The following MDM1 variants were observed in gnomAD, a reference collection of about 807,000 sequenced individuals.
MDM1 encodes stabilizer of axonemal microtubules 6, also known as Mdm1 nuclear protein.
Under a neutral mutation model 89.1 loss-of-function variants are expected in MDM1, and 61 were observed. The observed-to-expected ratio is 0.68, with a 90% CI of 0.56 to 0.85. The LOEUF is 0.85. MDM1 is among the 40% of genes least tolerant of loss of function. MDM1 has a pLI of 0.00. For synonymous variants in MDM1, 290 were observed against 294.1 expected (o/e 0.99, Z 0.14); for missense variants, 820 against 846.5 (o/e 0.97, Z 0.39).
At chr12:68,332,187 C>T (rs1876932551) in intron 1 of MDM1, 41 bp downstream of exon 1, 2 of 1,514,044 alleles carry the variant, frequency 1.3e-6, no homozygotes, top group Non-Finnish European at 1.8e-6. Flanking sequence ...CCGGCCATGG[C>T]TCCCCCCAGC....
chr12:68,325,760 C>A (rs1358237225), intron 3 of MDM1, 185 bp from the exon 4 acceptor site: 9 of 1,220,002 alleles, frequency 7.4e-6, no homozygotes, highest in Non-Finnish European at 7.2e-6. Context: ...TAAATAGTAT[C>A]TTTTTTCAAG....
At chr12:68,300,596 A>T (rs1047763062) in intron 13 of MDM1, among the ~76,000 whole-genome samples, 2 of 152,220 alleles carry the variant, frequency 1.3e-5, no homozygotes, top group Admixed American at 6.5e-5. Context: ...GGTCAGTCCA[A>T]CAAGAAGGTA....
At chr12:68,325,637 T>C in intron 3 of MDM1, 62 bp from the exon 4 acceptor site, 1 of 1,424,076 alleles carries the variant, frequency 7.0e-7, no homozygotes, top group Non-Finnish European at 9.2e-7. Flanking sequence ...TTTTTAAAAA[T>C]TGTGGTAAAA....
At chr12:68,328,032 C>G (rs1381948992) in intron 2 of MDM1, among the ~76,000 whole-genome samples, 2 of 152,198 alleles carry the variant, frequency 1.3e-5, no homozygotes, top group Non-Finnish European at 2.9e-5. Context: ...CCGCCCCTTT[C>G]ATAATCTCCT....
At position 68,326,691 on chromosome 12, in the gene MDM1, G is replaced by A; in HGVS notation, c.464C>T (p.Ser155Phe). The change falls in exon 3 of 15, where the codon TCT becomes TTT. Residue 155 changes from serine (S) to phenylalanine (F), a missense_variant. Coordinates refer to ENST00000682720, the MANE Select transcript of MDM1 (RefSeq NM_001354969.2). ...TACATTTTCTGAAAGAACCTTGGTA[G>A]AATGTTCCAGTTCCACATTTTCATT... ...PVNENVELEH[S>F]TKVLSENVDN... The A allele has an allele frequency of 6.2e-7, 1 of 1,614,168 alleles. No homozygotes were observed.
chr12:68,324,007 C>T (rs1186504453), intron 4 of MDM1, among the ~76,000 whole-genome samples: 3 of 152,128 alleles, frequency 2.0e-5, no homozygotes, highest in Non-Finnish European at 4.4e-5. Flanking sequence ...ATGAACAACC[C>T]TTTTAGAGGT....
rs1206010655 is a variant in MDM1, at chr12:68,325,520, G to A, written c.554C>T (p.Ala185Val). The change falls in exon 4 of 15, where the codon GCC (alanine) becomes GTC (valine). Residue 185 changes from alanine to valine, a missense_variant. Physicochemically the swap from Ala to Val is moderately conservative, Grantham distance 64. Transcript: ENST00000682720. ...CCTTTGATATTCAGAATTTCTCAAGGCATTATATGAAGGAACAACAGTCAA... is the reference window on the plus strand; with the variant it reads ...CCTTTGATATTCAGAATTTCTCAAGACATTATATGAAGGAACAACAGTCAA... ...AGLTVVPSYN[A>V]LRNSEYQRQF... is the part of the protein sequence containing the mutation. The A allele has an allele frequency of 2.5e-6, 4 of 1,597,902 alleles. No homozygotes were observed. The highest frequency in any genetic ancestry group is 4.5e-5 in the East Asian group (2 of 44,226).
rs375343262 is a variant in MDM1 at position 68,303,758 on chromosome 12, ATGAT to A, written c.1750-890_1750-887del. Reference sequence around the variant, plus strand: ...ATAGATTATAAAACCTTTCTACACTATGATAAATAAATAACCAAATATACTAACA... The same window carrying A: ...ATAGATTATAAAACCTTTCTACACTAAAATAAATAACCAAATATACTAACA... On this transcript the variant is annotated intron_variant, in intron 12 of 14. Transcript: ENST00000682720. Among the ~76,000 whole-genome samples the A allele has an allele frequency of 4.2e-3, 647 of 152,348 alleles. 2 individuals are homozygous for A. The highest frequency in any genetic ancestry group is 0.015 in the African/African-American group (614 of 41,588).
chr12:68,300,855 A>G (rs1872055001), intron 13 of MDM1, among the ~76,000 whole-genome samples: 1 of 152,244 alleles, frequency 6.6e-6, no homozygotes, highest in South Asian at 2.1e-4. Context: ...CAATTGTAGA[A>G]TATACATTCT....
At chr12:68,315,389 C>A (rs1041440878) in intron 9 of MDM1, 124 bp from the exon 10 acceptor site, 97 of 866,446 alleles carry the variant, frequency 1.1e-4, no homozygotes, top group Non-Finnish European at 1.7e-4. Context: ...ATAGATATTG[C>A]CTTGCTCAGG....
intron 7 of MDM1, among the ~76,000 whole-genome samples, chr12:68,320,668 C>G (rs1409009541): frequency 6.6e-6 from 1 of 152,084 alleles, no homozygotes; most frequent in Non-Finnish European, 1.5e-5. Flanking sequence ...TTACTTATGT[C>G]TAAACAGAAA....
In MDM1 at chr12:68,315,212, T is replaced by G. The variant is rs754554094; in HGVS notation, c.1265A>C (p.Glu422Ala). 6.2e-7 allele frequency: 1 copy of G among 1,614,120 alleles called. No individual in the cohort carries two copies. The highest frequency in any genetic ancestry group is 1.7e-5 in the Admixed American group (1 of 60,010). Residue 422 changes from glutamate to alanine, a missense_variant, in exon 10 of 15, where the codon GAA (glutamate) becomes GCA (alanine). Coordinates refer to ENST00000682720, the MANE Select transcript of MDM1 (RefSeq NM_001354969.2). The part of the protein sequence containing the change: ...LQKCPSTEPE[E>A]KGNIVEEQPQ... ...CTGTTCTTCCACGATATTTCCTTTT[T>G]CTTCTGGTTCTGTAGAAGGACATTT...
intron 10 of MDM1, among the ~76,000 whole-genome samples, 176 bp from the exon 11 acceptor site, chr12:68,313,929 C>G (rs892899520): frequency 6.6e-6 from 1 of 152,088 alleles, no homozygotes; most frequent in African/African-American, 2.4e-5. Context: ...ATCAGGAGAT[C>G]GAGACCATCC....
chr12:68,317,814 GC>G (rs1444844494), intron 7 of MDM1, among the ~76,000 whole-genome samples: 1 of 152,116 alleles, frequency 6.6e-6, no homozygotes, highest in Non-Finnish European at 1.5e-5. Flanking sequence ...GTTATAAAGT[GC>G]CTCGATATAC....
intron 13 of MDM1, 124 bp downstream of exon 13, chr12:68,302,496 A>G (rs1872303494): frequency 1.1e-6 from 1 of 901,054 alleles, no homozygotes; most frequent in Admixed American, 3.1e-5. Context: ...AAGAAATTTT[A>G]TTAATACATT....
chr12:68,327,620 A>G (rs1158860674), intron 2 of MDM1: 2 of 1,051,852 alleles, frequency 1.9e-6, no homozygotes, highest in Non-Finnish European at 2.8e-6. Context: ...TGAAGGTAAG[A>G]GCAGCTCTGC....
chr12:68,327,447 AC>A, intron 2 of MDM1: 7 of 1,535,966 alleles, frequency 4.6e-6, no homozygotes, highest in Non-Finnish European at 6.1e-6. Flanking sequence ...TGTGGAGCAG[AC>A]CAAGATGAGA....
chr12:68,315,115 C>T lies in MDM1; in HGVS notation c.1362G>A (p.Trp454Ter). ...PTIPVRRRLA[W>*]DTENTSEDVQ... ...CGTCTTCACTTGTGTTCTCTGTATC[C>T]CAAGCCAGCCGCCTTCTAACGGGTA... Residue 454 changes from tryptophan (W) to a stop codon, truncating the protein, a stop_gained, in exon 10 of 15, where the codon TGG becomes TGA. Transcript: ENST00000682720. LOFTEE classifies it high-confidence loss of function. The T allele has an allele frequency of 6.2e-7, 1 of 1,614,094 alleles. No individual in the cohort carries two copies. Among genetic ancestry groups the T allele is most frequent in the Middle Eastern group, 1.6e-4 (1 of 6,062 alleles).
chr12:68,326,500 C>T (rs1406597337), intron 3 of MDM1, 157 bp downstream of exon 3: 7 of 1,538,796 alleles, frequency 4.5e-6, no homozygotes, highest in African/African-American at 4.2e-5. Flanking sequence ...TTCACAATAA[C>T]TAAAGTCAAC....
Sources: gnomAD v4.1 joint callset for allele counts (sites outside exome capture counted in the v4.1 genomes callset) on GRCh38, gnomAD v4.1.1 for gene constraint, MANE v1.5 for transcripts, NCBI Gene and HGNC (gene_info 2026-07-23, HGNC 2026-07-21) for gene names.